The following PCDHGA3 variants were observed in gnomAD, a reference collection of about 807,000 sequenced individuals.
The protein encoded by PCDHGA3 is protocadherin gamma-A3.
PCDHGA3 carries 40 observed loss-of-function variants against 58.5 expected under a neutral mutation model. That is an observed-to-expected ratio of 0.68 (90% CI 0.53 to 0.89). The LOEUF (loss-of-function observed/expected upper bound fraction) is 0.89, where lower values mean the gene tolerates loss of function less well. Ranked by LOEUF, PCDHGA3 falls within the 40% of genes least tolerant of loss-of-function variation. The probability of loss-of-function intolerance (pLI) is 0.00; values close to 1 mark genes in which losing one functional copy is unlikely to be tolerated. For missense variants in PCDHGA3, 1,223 were observed against 1,195.9 expected (o/e 1.02, Z -0.33); for synonymous variants, 530 against 525.7 (o/e 1.01, Z -0.11).
At chr5:141,437,188 G>T (rs1303844523) in intron 1 of PCDHGA3, among the ~76,000 whole-genome samples, 1 of 152,146 alleles carries the variant, frequency 6.6e-6, no homozygotes, top group Non-Finnish European at 1.5e-5. Context: ...CTGGGCAATG[G>T]GTTTGGATGT....
chr5:141,422,976 G>A lies in PCDHGA3; in HGVS notation c.2425-71831G>A, dbSNP rs558006468. On this transcript the variant is annotated intron_variant, in intron 1 of 3. Transcript: ENST00000253812. The stretch of plus-strand genomic sequence containing the variant: ...GCGTGGAGCTGGCGCCCCGCTCTGC[G>A]GAACCTGGCTACCTGGTGACCAAGG... 27 of 1,614,212 alleles carry A rather than the reference G, an allele frequency of 1.7e-5. No homozygotes were observed. In the East Asian group the frequency reaches 4.7e-4, roughly 28 times the overall value.
intron 1 of PCDHGA3, chr5:141,388,701 G>A: frequency 1.9e-6 from 3 of 1,613,986 alleles, no homozygotes; most frequent in South Asian, 1.1e-5. Context: ...GGATGAGGGT[G>A]TCAATGCCGA....
At chr5:141,488,198 G>C (rs1007623840) in intron 1 of PCDHGA3, among the ~76,000 whole-genome samples, 1 of 152,166 alleles carries the variant, frequency 6.6e-6, no homozygotes, top group Non-Finnish European at 1.5e-5. Flanking sequence ...CTGGGTCTTA[G>C]GACTCATATC....
Position 141,485,597 on chromosome 5 carries a change from A to G in PCDHGA3, c.2425-9210A>G. On this transcript the variant is annotated intron_variant, in intron 1 of 3. Coordinates refer to ENST00000253812, the MANE Select transcript of PCDHGA3 (RefSeq NM_018916.4). This position sits in a 1 kb window ranked among gnomAD's most constrained non-coding sequence, Gnocchi z 5.7. ...TCCGCGGCAGCAGCTGGACTTGGAA[A>G]TTGGGGAGGCAGCTCCTCCAGGACA... The G allele has an allele frequency of 6.2e-7, 1 of 1,612,468 alleles. No homozygotes were observed. The highest frequency in any genetic ancestry group is 8.5e-7 in the Non-Finnish European group (1 of 1,178,718).
chr5:141,377,182 A>G (rs958059395), intron 1 of PCDHGA3: 9 of 152,144 alleles, frequency 5.9e-5, no homozygotes, highest in Non-Finnish European at 8.8e-5. Flanking sequence ...TTCTTGGCAA[A>G]CTATTTGTGT....
In PCDHGA3 at chr5:141,463,518, G is replaced by A. The variant is rs537466389; in HGVS notation, c.2425-31289G>A. 5.7e-5 allele frequency among the ~76,000 whole-genome samples: 8 copies of A among 139,140 alleles called. No individual in the cohort carries two copies. The East Asian group carries it at 1.3e-3, about 22-fold the overall frequency. The allele number at this position is 139,140 out of a possible 152,430, so 91.3% of individuals were successfully genotyped here. On this transcript the variant is annotated intron_variant, in intron 1 of 3. Coordinates refer to ENST00000253812, the MANE Select transcript of PCDHGA3 (RefSeq NM_018916.4). The stretch of plus-strand genomic sequence containing the variant: ...GGCTGGAGTGACGTGGCGTGATCTC[G>A]GCTTACTAGAAACTCCGGCTCCCGG...
chr5:141,496,192 C>T (rs942276204), intron 2 of PCDHGA3, among the ~76,000 whole-genome samples: 1 of 152,098 alleles, frequency 6.6e-6, no homozygotes, highest in Non-Finnish European at 1.5e-5. Flanking sequence ...CCCAGCTGCT[C>T]ATTTCAATCT....
In PCDHGA3 at chr5:141,432,908, C is replaced by T. The variant is rs757934634; in HGVS notation, c.2425-61899C>T. On this transcript the variant is annotated intron_variant, in intron 1 of 3. Transcript: ENST00000253812. This position sits in a 1 kb window ranked among gnomAD's most constrained non-coding sequence, Gnocchi z 6.0. Reference sequence around the variant, plus strand: ...CATCTTGCTGCTGGCGCTCAGGCTGCGGCGCTGGCACAAGTCACGCCTGCT... The same window carrying T: ...CATCTTGCTGCTGGCGCTCAGGCTGTGGCGCTGGCACAAGTCACGCCTGCT... 3.7e-5 allele frequency: 60 copies of T among 1,614,050 alleles called. No individual in the cohort carries two copies. Among genetic ancestry groups the T allele is most frequent in the Middle Eastern group, 3.3e-4 (2 of 6,082 alleles).
intron 1 of PCDHGA3, 108 bp from the exon 2 acceptor site, chr5:141,494,699 T>G: frequency 6.3e-7 from 1 of 1,592,240 alleles, no homozygotes; most frequent in East Asian, 2.3e-5. Context: ...GTCCGTTTTC[T>G]TCTCTGTGCC....
Position 141,491,676 on chromosome 5 carries a change from T to C in PCDHGA3, c.2425-3131T>C. On this transcript the variant is annotated intron_variant, in intron 1 of 3. Coordinates refer to ENST00000253812, the MANE Select transcript of PCDHGA3 (RefSeq NM_018916.4). The surrounding 1 kb of genome is among the most constrained non-coding windows in gnomAD (Gnocchi z 6.9). ...AGCCTGACGCCATCCGGTCCCGCTC[T>C]AATACGCTGCGGGAGCGGAGCCAGG... 3.1e-6 allele frequency: 5 copies of C among 1,613,546 alleles called. No individual in the cohort carries two copies. Among genetic ancestry groups the C allele is most frequent in the Non-Finnish European group, 4.2e-6 (5 of 1,179,848 alleles).
At chr5:141,478,845 A>G in intron 1 of PCDHGA3, 2 of 1,389,784 alleles carry the variant, frequency 1.4e-6, no homozygotes, top group Non-Finnish European at 9.5e-7. Flanking sequence ...TGGTTAAGCT[A>G]AAACACAAGA....
chr5:141,486,894 C>T lies in PCDHGA3; in HGVS notation c.2425-7913C>T. 1 of 1,614,228 alleles carries T rather than the reference C, an allele frequency of 6.2e-7. No homozygotes were observed. Among genetic ancestry groups the T allele is most frequent in the Non-Finnish European group, 8.5e-7 (1 of 1,180,052 alleles). On this transcript the variant is annotated intron_variant, in intron 1 of 3. Transcript: ENST00000253812. The surrounding 1 kb of genome is among the most constrained non-coding windows in gnomAD (Gnocchi z 5.0). ...CTCCGTCCTCGGGCCCGGCCTGGTT[C>T]CTTATGTCCCCAAGCACTGCCTCCA...
Position 141,486,601 on chromosome 5 carries a change from C to A in PCDHGA3, c.2425-8206C>A, listed in dbSNP as rs770685748. On this transcript the variant is annotated intron_variant, in intron 1 of 3. Transcript: ENST00000253812. The surrounding 1 kb of genome is among the most constrained non-coding windows in gnomAD (Gnocchi z 5.0). ...ATCGCCCAGGGGACCTGCTTTGCTCCCTTGCAGCCTCTGACCCAGACTCTG... is the reference window on the plus strand; with the variant it reads ...ATCGCCCAGGGGACCTGCTTTGCTCACTTGCAGCCTCTGACCCAGACTCTG... The A allele has an allele frequency of 1.9e-6, 3 of 1,613,558 alleles. No homozygotes were observed. The highest frequency in any genetic ancestry group is 3.3e-5 in the Admixed American group (2 of 60,026).
At chr5:141,494,364 G>A (rs1461560857) in intron 1 of PCDHGA3, among the ~76,000 whole-genome samples, 1 of 152,202 alleles carries the variant, frequency 6.6e-6, no homozygotes, top group African/African-American at 2.4e-5. Context: ...TGCAGAGGAT[G>A]CTTTGTTCCC....
intron 1 of PCDHGA3, among the ~76,000 whole-genome samples, chr5:141,369,204 G>A (rs970193289): frequency 3.3e-5 from 5 of 152,182 alleles, no homozygotes; most frequent in Non-Finnish European, 7.4e-5. Context: ...ATGGTAAACT[G>A]GGGACCAAGG....
Position 141,491,795 on chromosome 5 carries a change from C to T in PCDHGA3, c.2425-3012C>T. On this transcript the variant is annotated intron_variant, in intron 1 of 3. Coordinates refer to ENST00000253812, the MANE Select transcript of PCDHGA3 (RefSeq NM_018916.4). This position sits in a 1 kb window ranked among gnomAD's most constrained non-coding sequence, Gnocchi z 6.9. ...GGATTGAACTTGCATCCACTCCTCT[C>T]CGGCCGGCTTGGTCGCTGGCTGCGC... 6 of 1,511,694 alleles carry T rather than the reference C, an allele frequency of 4.0e-6. No individual in the cohort carries two copies. Among genetic ancestry groups the T allele is most frequent in the Non-Finnish European group, 5.3e-6 (6 of 1,130,430 alleles). 93.6% of individuals were successfully genotyped at this position (1,511,694 alleles called of 1,614,324 possible).
rs754294132 is a variant in PCDHGA3, at chr5:141,389,121, A to G, written c.2424+42664A>G. ...AGATGCTGTTCTAGACCGCGAGCAG[A>G]ATCCAGAGTACAATATAACCGTTAC... is the stretch of plus-strand genomic sequence containing the variant. On this transcript the variant is annotated intron_variant, in intron 1 of 3. Coordinates refer to ENST00000253812, the MANE Select transcript of PCDHGA3 (RefSeq NM_018916.4). The G allele has an allele frequency of 1.1e-5, 17 of 1,613,910 alleles. No individual in the cohort carries two copies. In the Admixed American group the frequency reaches 2.8e-4, roughly 27 times the overall value.
At chr5:141,361,293 G>C (rs1406252392) in intron 1 of PCDHGA3, 2 of 1,613,900 alleles carry the variant, frequency 1.2e-6, no homozygotes, top group African/African-American at 2.7e-5. Flanking sequence ...ACTGCCAAGT[G>C]TTGGGAAATG....
At chr5:141,507,557 C>T (rs959957585) in intron 3 of PCDHGA3, among the ~76,000 whole-genome samples, 5 of 152,250 alleles carry the variant, frequency 3.3e-5, no homozygotes, top group Middle Eastern at 3.4e-3. Flanking sequence ...AAGTGGCAGG[C>T]GGCTGGGTCT....
Sources: gnomAD v4.1 joint callset for allele counts (sites outside exome capture counted in the v4.1 genomes callset) on GRCh38, gnomAD v4.1.1 for gene constraint, Gnocchi (gnomAD v3.1) non-coding constraint, MANE v1.5 for transcripts, NCBI Gene and HGNC (gene_info 2026-07-23, HGNC 2026-07-21) for gene names.